Variants in NAA25 observed in about 807,000 individuals in gnomAD.
The protein encoded by NAA25 is N-terminal acetyltransferase B complex subunit NAA25.
NAA25 carries 30 observed loss-of-function variants against 132.5 expected under a neutral mutation model. That is an observed-to-expected ratio of 0.23 (90% CI 0.17 to 0.31). The LOEUF is 0.31. Ranked by LOEUF, NAA25 falls within the 10% of genes least tolerant of loss-of-function variation. The probability of loss-of-function intolerance (pLI) is 1.00; values close to 1 mark genes in which losing one functional copy is unlikely to be tolerated. For missense variants in NAA25, 771 were observed against 1,150.4 expected (o/e 0.67, Z 4.77); for synonymous variants, 359 against 401.9 (o/e 0.89, Z 1.28).
chr12:112,081,186 T>G, intron 4 of NAA25, 52 bp from the exon 5 acceptor site: 1 of 1,456,662 alleles, frequency 6.9e-7, no homozygotes, highest in Non-Finnish European at 9.6e-7. Flanking sequence ...CAGAAGGGGA[T>G]TAATGATCTA....
chr12:112,054,040 A>T (rs1238379812), intron 14 of NAA25, among the ~76,000 whole-genome samples: 1 of 152,196 alleles, frequency 6.6e-6, no homozygotes, highest in Non-Finnish European at 1.5e-5. Flanking sequence ...TCAAAATACA[A>T]ATTCAAACTT....
intron 1 of NAA25, among the ~76,000 whole-genome samples, chr12:112,103,791 G>A (rs1052287804): frequency 3.9e-5 from 6 of 152,148 alleles, no homozygotes; most frequent in South Asian, 2.1e-4. Context: ...GGATGGTTTC[G>A]GGATAAAACT....
At position 112,049,819 on chromosome 12, in the gene NAA25, TTAC is replaced by T. The variant is rs1378286909; in HGVS notation, c.1729-1379_1729-1377del. Among the ~76,000 whole-genome samples the T allele has an allele frequency of 1.3e-5, 2 of 152,122 alleles. No individual in the cohort carries two copies. The highest frequency in any genetic ancestry group is 2.9e-5 in the Non-Finnish European group (2 of 68,028). On this transcript the variant is annotated intron_variant, in intron 15 of 23. Transcript: ENST00000261745. This position sits in a 1 kb window ranked among gnomAD's most constrained non-coding sequence, Gnocchi z 4.7. Reference sequence around the variant, plus strand: ...CTTGGCTTAGAAAACACAGCAAGGTTTACTACTATTAGCCCTTGTAATAGGAAC... The same window carrying T: ...CTTGGCTTAGAAAACACAGCAAGGTTTACTATTAGCCCTTGTAATAGGAAC...
intron 22 of NAA25, chr12:112,037,522 T>G (rs1407934943): frequency 1.4e-5 from 2 of 147,428 alleles, no homozygotes; most frequent in African/African-American, 5.0e-5. Flanking sequence ...AAATAGGATA[T>G]TCATAGACTC....
intron 11 of NAA25, among the ~76,000 whole-genome samples, chr12:112,061,925 G>C (rs2078636435): frequency 6.6e-6 from 1 of 152,100 alleles, no homozygotes; most frequent in African/African-American, 2.4e-5. Context: ...GAGATCCCAT[G>C]TACCATTCAT....
chr12:112,098,300 T>C (rs1205629408), intron 1 of NAA25, among the ~76,000 whole-genome samples: 1 of 152,044 alleles, frequency 6.6e-6, no homozygotes, highest in Non-Finnish European at 1.5e-5. Flanking sequence ...TTACTTGCGC[T>C]GGTATCAAAG....
chr12:112,089,619 A>G (rs1403569992), intron 3 of NAA25, among the ~76,000 whole-genome samples: 1 of 152,182 alleles, frequency 6.6e-6, no homozygotes, highest in Non-Finnish European at 1.5e-5. Context: ...AATAAATGTA[A>G]TAAACATTTA....
At chr12:112,087,863 T>A in intron 3 of NAA25, 62 bp from the exon 4 acceptor site, 4 of 1,105,480 alleles carry the variant, frequency 3.6e-6, no homozygotes, top group Non-Finnish European at 4.1e-6. Context: ...GCATTTAATG[T>A]TCTTCCTATT....
At chr12:112,040,155 G>T (rs1043798859) in intron 21 of NAA25, 1 of 186,682 alleles carries the variant, frequency 5.4e-6, no homozygotes, top group Admixed American at 6.2e-5. Context: ...ACAAATAAAA[G>T]AAGCTGGAGG....
chr12:112,053,763 C>A, intron 14 of NAA25, 106 bp from the exon 15 acceptor site: 12 of 486,234 alleles, frequency 2.5e-5, no homozygotes, highest in East Asian at 7.6e-5. Flanking sequence ...AATAGCTAGG[C>A]ATAAGAAAAC....
At chr12:112,071,554 A>G (rs962841019) in intron 10 of NAA25, among the ~76,000 whole-genome samples, 4 of 150,944 alleles carry the variant, frequency 2.6e-5, no homozygotes, top group African/African-American at 9.8e-5. Flanking sequence ...CTGATCTCCA[A>G]CTCCTGAGCT....
chr12:112,080,657 T>C (rs947430594), intron 5 of NAA25, among the ~76,000 whole-genome samples: 3 of 152,014 alleles, frequency 2.0e-5, no homozygotes, highest in Non-Finnish European at 4.4e-5. Context: ...CATGCCACCA[T>C]GCCCAGCTAA....
chr12:112,058,552 ATGGTG>A (rs746582973), intron 13 of NAA25, among the ~76,000 whole-genome samples: 2 of 152,142 alleles, frequency 1.3e-5, no homozygotes, highest in African/African-American at 4.8e-5. Context: ...CTGGAGTGTA[ATGGTG>A]TGATCATAGC....
intron 7 of NAA25, among the ~76,000 whole-genome samples, 159 bp from the exon 8 acceptor site, chr12:112,075,948 T>C (rs1288363970): frequency 6.6e-6 from 1 of 152,136 alleles, no homozygotes; most frequent in Non-Finnish European, 1.5e-5. Flanking sequence ...AATGGCACGA[T>C]CTTGGCTCAC....
chr12:112,067,027 C>T (rs1040010563), intron 11 of NAA25, among the ~76,000 whole-genome samples: 2 of 152,102 alleles, frequency 1.3e-5, no homozygotes, highest in East Asian at 3.8e-4. Flanking sequence ...CATGGTAAAA[C>T]CCCATCTCTA....
intron 10 of NAA25, 32 bp from the exon 11 acceptor site, chr12:112,069,024 C>T (rs2078762608): frequency 8.3e-7 from 1 of 1,211,062 alleles, no homozygotes; most frequent in African/African-American, 1.5e-5. Context: ...CACTTTATTA[C>T]TCATGAACAG....
chr12:112,082,708 A>T (rs150374808), intron 4 of NAA25, among the ~76,000 whole-genome samples: 2,308 of 148,852 alleles, frequency 0.016, 71 homozygotes, highest in African/African-American at 0.054. Flanking sequence ...AGAGAGGAGA[A>T]CATTATCATT....
In NAA25 at chr12:112,092,783, T is replaced by C. The variant is rs374641375; in HGVS notation, c.144+268A>G. Among the ~76,000 whole-genome samples, 3 of 152,072 alleles carry C rather than the reference T, an allele frequency of 2.0e-5. No individual in the cohort carries two copies. In the East Asian group the frequency reaches 5.8e-4, roughly 30 times the overall value. On this transcript the variant is annotated intron_variant, in intron 2 of 23. Transcript: ENST00000261745. Reference sequence around the variant, plus strand: ...ACCTCCACCTCCTGGGTTCAAGTGATTCTGCTGCCTCAGCCTACTGAGTAG... The same window carrying C: ...ACCTCCACCTCCTGGGTTCAAGTGACTCTGCTGCCTCAGCCTACTGAGTAG...
chr12:112,107,390 TTTG>T (rs571898342), intron 1 of NAA25, among the ~76,000 whole-genome samples: 11 of 151,974 alleles, frequency 7.2e-5, no homozygotes, highest in South Asian at 2.1e-4. Flanking sequence ...TGTTTTTTTT[TTTG>T]TTGTTGTTGT....
Sources: gnomAD v4.1 joint callset for allele counts (sites outside exome capture counted in the v4.1 genomes callset) on GRCh38, gnomAD v4.1.1 for gene constraint, Gnocchi (gnomAD v3.1) non-coding constraint, MANE v1.5 for transcripts, NCBI Gene and HGNC (gene_info 2026-07-23, HGNC 2026-07-21) for gene names.